The following GPM6A variants were observed in gnomAD, a reference collection of about 807,000 sequenced individuals.
GPM6A encodes the protein neuronal membrane glycoprotein M6-a.
GPM6A carries 7 observed loss-of-function variants against 32.1 expected under a neutral mutation model. The observed-to-expected ratio is 0.22, with a 90% CI of 0.12 to 0.41. The LOEUF is 0.41. GPM6A is among the 10% of genes least tolerant of loss of function. GPM6A has a pLI of 1.00. For synonymous variants in GPM6A, 130 were observed against 123.4 expected (o/e 1.05, Z -0.35); for missense variants, 235 against 347.2 (o/e 0.68, Z 2.57).
At chr4:175,968,781 TGCTG>T (rs1341773919) in intron 1 of GPM6A, among the ~76,000 whole-genome samples, 2 of 152,182 alleles carry the variant, frequency 1.3e-5, no homozygotes, top group African/African-American at 4.8e-5. Context: ...CAATATCAGA[TGCTG>T]GCAAGGATGT....
chr4:175,840,572 G>C (rs1218029574), intron 1 of GPM6A, among the ~76,000 whole-genome samples: 1 of 152,160 alleles, frequency 6.6e-6, no homozygotes, highest in African/African-American at 2.4e-5. Context: ...TACTCGGGAG[G>C]CTGAGGCAGG....
At chr4:175,892,934 T>C (rs1737690252) in intron 1 of GPM6A, among the ~76,000 whole-genome samples, 1 of 152,236 alleles carries the variant, frequency 6.6e-6, no homozygotes, top group Non-Finnish European at 1.5e-5. Flanking sequence ...GACACTCTGT[T>C]GATGTCTCCT....
chr4:175,684,663 A>G (rs917965922), intron 2 of GPM6A, among the ~76,000 whole-genome samples: 8 of 152,148 alleles, frequency 5.3e-5, no homozygotes, highest in African/African-American at 1.9e-4. Flanking sequence ...TTTTAGGTCT[A>G]CTTCTGTCAT....
chr4:175,677,623 G>A (rs1743447279), intron 2 of GPM6A, among the ~76,000 whole-genome samples: 1 of 152,078 alleles, frequency 6.6e-6, no homozygotes, highest in Admixed American at 6.5e-5. Context: ...AATTATTGAG[G>A]GAAATCCATT....
chr4:175,692,631 A>G (rs918251304), intron 2 of GPM6A, among the ~76,000 whole-genome samples: 5 of 152,052 alleles, frequency 3.3e-5, no homozygotes, highest in African/African-American at 9.7e-5. Flanking sequence ...TTTTAAATAC[A>G]TTTTAATGTT....
At chr4:175,953,113 C>T (rs980334917) in intron 1 of GPM6A, among the ~76,000 whole-genome samples, 1 of 151,450 alleles carries the variant, frequency 6.6e-6, no homozygotes, top group African/African-American at 2.4e-5. Context: ...GAATGTTCTA[C>T]TTTGATTCAA....
At chr4:175,747,379 A>C (rs1732152654) in intron 1 of GPM6A, among the ~76,000 whole-genome samples, 1 of 152,160 alleles carries the variant, frequency 6.6e-6, no homozygotes, top group South Asian at 2.1e-4. Context: ...TATGAAATAC[A>C]GGAATACTGC....
At chr4:175,841,080 A>C (rs1735920282) in intron 1 of GPM6A, among the ~76,000 whole-genome samples, 1 of 152,206 alleles carries the variant, frequency 6.6e-6, no homozygotes, top group Non-Finnish European at 1.5e-5. Context: ...ACAGATCCTA[A>C]CCTAATCTGT....
chr4:175,672,392 T>A (rs949181653), intron 3 of GPM6A, among the ~76,000 whole-genome samples: 1 of 152,218 alleles, frequency 6.6e-6, no homozygotes, highest in African/African-American at 2.4e-5. Context: ...GGCATTACAA[T>A]GTTACTGTTC....
At chr4:175,665,326 C>T (rs868527742) in intron 3 of GPM6A, among the ~76,000 whole-genome samples, 30 of 151,892 alleles carry the variant, frequency 2.0e-4, no homozygotes, top group African/African-American at 5.6e-4. Flanking sequence ...TAGGGACTCC[C>T]GAGGGATAGG....
intron 1 of GPM6A, among the ~76,000 whole-genome samples, chr4:175,918,368 T>G (rs1380994940): frequency 6.6e-6 from 1 of 152,032 alleles, no homozygotes; most frequent in Admixed American, 6.6e-5. Flanking sequence ...GGAAGAGGCT[T>G]TAGGAGAAAA....
At chr4:175,792,995 A>G (rs1350205322) in intron 1 of GPM6A, among the ~76,000 whole-genome samples, 4 of 152,192 alleles carry the variant, frequency 2.6e-5, no homozygotes, top group Admixed American at 6.5e-5. Context: ...CCTGGCCAAC[A>G]TGGTGAAACC....
intron 1 of GPM6A, among the ~76,000 whole-genome samples, chr4:175,818,943 G>A (rs1038857208): frequency 6.6e-6 from 1 of 152,134 alleles, no homozygotes; most frequent in African/African-American, 2.4e-5. Context: ...AAAAATTCAA[G>A]GGTGACACTC....
intron 2 of GPM6A, among the ~76,000 whole-genome samples, chr4:175,700,111 C>G (rs1161865270): frequency 6.6e-6 from 1 of 152,040 alleles, no homozygotes; most frequent in Non-Finnish European, 1.5e-5. Context: ...GATCTGCCTA[C>G]CTCAGCCTCC....
At chr4:175,722,361 CT>C (rs1746184051) in intron 1 of GPM6A, among the ~76,000 whole-genome samples, 4 of 151,986 alleles carry the variant, frequency 2.6e-5, no homozygotes, top group Admixed American at 2.0e-4. Context: ...TAAAGACCCC[CT>C]GGTCACATCT....
At chr4:175,689,029 T>G (rs1279569031) in intron 2 of GPM6A, among the ~76,000 whole-genome samples, 1 of 152,038 alleles carries the variant, frequency 6.6e-6, no homozygotes, top group Admixed American at 6.6e-5. Flanking sequence ...ATTATTCTAC[T>G]TTTTTTGTAG....
chr4:175,787,429 T>C, intron 1 of GPM6A: 1 of 1,520,684 alleles, frequency 6.6e-7, no homozygotes, highest in East Asian at 2.5e-5. Context: ...CTCTCTCCTG[T>C]GACAATTTAA....
chr4:175,961,293 T>C (rs1740155337), intron 1 of GPM6A: 1 of 152,206 alleles, frequency 6.6e-6, no homozygotes, highest in South Asian at 2.1e-4. Flanking sequence ...ATAAAACTGA[T>C]TTTCTTTTTT....
chr4:175,858,340 T>G (rs184136499), intron 1 of GPM6A, among the ~76,000 whole-genome samples: 1 of 152,060 alleles, frequency 6.6e-6, no homozygotes, highest in Non-Finnish European at 1.5e-5. Flanking sequence ...GACACCAGCT[T>G]GGCCAACACA....
Sources: gnomAD v4.1 joint callset for allele counts (sites outside exome capture counted in the v4.1 genomes callset) on GRCh38, gnomAD v4.1.1 for gene constraint, MANE v1.5 for transcripts, NCBI Gene and HGNC (gene_info 2026-07-23, HGNC 2026-07-21) for gene names.